Variants in PAK6 observed in about 807,000 individuals in gnomAD.
The protein encoded by PAK6 is p21 (RAC1) activated kinase 6.
In PAK6, 33 loss-of-function variants were observed where a neutral mutation model predicts 60.8. That is an observed-to-expected ratio of 0.54 (90% CI 0.41 to 0.73). PAK6 has a LOEUF of 0.73. PAK6 is among the 30% of genes least tolerant of loss of function. The pLI is 0.00. For synonymous variants in PAK6, 404 were observed against 378.5 expected (o/e 1.07, Z -0.78); for missense variants, 845 against 904.1 (o/e 0.93, Z 0.84).
chr15:40,242,374 T>C (rs906695864), intron 2 of PAK6, among the ~76,000 whole-genome samples: 1 of 152,216 alleles, frequency 6.6e-6, no homozygotes, highest in African/African-American at 2.4e-5. Context: ...TCCTGTGGAC[T>C]GAAGCAGAAA....
chr15:40,264,867 C>T (rs774916409), exon 4 of PAK6: 6 of 1,614,022 alleles, frequency 3.7e-6, no homozygotes, highest in South Asian at 2.2e-5. Context: ...CTCCTTCGAC[C>T]CCAAAGAAGG....
intron 5 of PAK6, among the ~76,000 whole-genome samples, chr15:40,269,574 C>T (rs766550835): frequency 1.3e-5 from 2 of 152,198 alleles, no homozygotes; most frequent in African/African-American, 2.4e-5. Flanking sequence ...TCTTGTGTGG[C>T]CTCACAAGTT....
In PAK6 at chr15:40,240,581, T is replaced by A; in HGVS notation, c.-200-18T>A. The stretch of plus-strand genomic sequence containing the variant: ...CTTTTCCTTTTTTTTTTTTTTTTTT[T>A]TTCTATTTTGCCTGAAGGGAGTGCC... On this transcript the variant is annotated intron_variant, in intron 1 of 10. Transcript: ENST00000560346. 2.4e-6 allele frequency: 1 copy of A among 412,144 alleles called. No individual in the cohort carries two copies. The highest frequency in any genetic ancestry group is 4.7e-6 in the Non-Finnish European group (1 of 213,736). The allele number at this position is 412,144 out of a possible 1,614,324, so 25.5% of individuals were successfully genotyped here.
At chr15:40,273,097 G>A (rs1369216283) in intron 7 of PAK6, 98 bp downstream of exon 7, 46 of 1,484,950 alleles carry the variant, frequency 3.1e-5, no homozygotes, top group Non-Finnish European at 2.0e-5. Context: ...GAAGACTTGG[G>A]ATGCCTGGGC....
intron 3 of PAK6, chr15:40,264,363 G>GAATC (rs1260703098): frequency 4.4e-6 from 2 of 451,180 alleles, no homozygotes; most frequent in Non-Finnish European, 8.9e-6. Flanking sequence ...CTGGTTTTAA[G>GAATC]AATCAAGGTC....
intron 5 of PAK6, among the ~76,000 whole-genome samples, chr15:40,267,822 A>G (rs1461301319): frequency 1.3e-5 from 2 of 152,152 alleles, no homozygotes; most frequent in African/African-American, 2.4e-5. Flanking sequence ...GCCCCTGGGG[A>G]GACTCAGCCA....
At chr15:40,266,258 G>A (rs778227816) in exon 5 of PAK6, 6 of 1,610,510 alleles carry the variant, frequency 3.7e-6, no homozygotes, top group East Asian at 2.2e-5. Context: ...CAGGAGCCTC[G>A]CCCCCCACGG....
chr15:40,272,822 G>A (rs758291408), intron 6 of PAK6, 44 bp from the exon 7 acceptor site: 90 of 1,605,504 alleles, frequency 5.6e-5, no homozygotes, highest in South Asian at 3.8e-4. Context: ...GTGGCCATGC[G>A]TCTGGGCACT....
At chr15:40,243,705 G>C (rs1037456601) in intron 2 of PAK6, among the ~76,000 whole-genome samples, 6 of 152,194 alleles carry the variant, frequency 3.9e-5, no homozygotes, top group Non-Finnish European at 7.3e-5. Flanking sequence ...AAACAATAAT[G>C]CCAGGTCTAT....
chr15:40,266,196 G>C (rs376068775), exon 5 of PAK6: 2 of 1,609,590 alleles, frequency 1.2e-6, no homozygotes, highest in East Asian at 4.5e-5. Context: ...CGAGTTTCAG[G>C]GTGCCTCGCA....
Position 40,257,386 on chromosome 15 carries a change from G to T in PAK6, c.-6+4097G>T, listed in dbSNP as rs2038866046. 2.0e-5 allele frequency among the ~76,000 whole-genome samples: 3 copies of T among 152,232 alleles called. No homozygotes were observed. In the South Asian group the frequency reaches 6.2e-4, roughly 32 times the overall value. ...TTCTTGTGAATCCCTTCGGTGGGCT[G>T]TGTCCTTTCCTTGAAAGGGACTCAG... On this transcript the variant is annotated intron_variant, in intron 3 of 10. Transcript: ENST00000560346.
chr15:40,260,879 T>C (rs1437062389), intron 3 of PAK6, among the ~76,000 whole-genome samples: 1 of 141,054 alleles, frequency 7.1e-6, no homozygotes, highest in Admixed American at 8.0e-5. Context: ...TAAAATGATA[T>C]CTTTTTAAAA....
chr15:40,246,393 A>G (rs2140944474), intron 2 of PAK6: 1 of 152,368 alleles, frequency 6.6e-6, no homozygotes, highest in East Asian at 1.9e-4. Context: ...CAAGCTAGAC[A>G]AGAAGACTTT....
Position 40,263,702 on chromosome 15 carries a change from C to CGTCCTGGGTTCAAGCGATT in PAK6, c.-5-1079_-5-1078insGTCCTGGGTTCAAGCGATT. 5 of 324,690 alleles carry CGTCCTGGGTTCAAGCGATT rather than the reference C, an allele frequency of 1.5e-5. No individual in the cohort carries two copies. The East Asian group carries it at 3.2e-4, about 21-fold the overall frequency. 20.1% of individuals were successfully genotyped at this position (324,690 alleles called of 1,614,324 possible). ...CAATCTCAGCTCACTGCAGCCTCAGCCTCCTGGGTTCAAGCGATTCTCCTC... is the reference window on the plus strand; with the variant it reads ...CAATCTCAGCTCACTGCAGCCTCAGCGTCCTGGGTTCAAGCGATTCTCCTGGGTTCAAGCGATTCTCCTC... On this transcript the variant is annotated intron_variant, in intron 3 of 10. Coordinates refer to ENST00000560346, the Ensembl canonical transcript of PAK6.
At chr15:40,244,309 C>T (rs2038438374) in intron 2 of PAK6, among the ~76,000 whole-genome samples, 1 of 131,910 alleles carries the variant, frequency 7.6e-6, no homozygotes, top group Admixed American at 7.6e-5. Context: ...CCAGCCTGGC[C>T]ACAGAGCAAG....
At position 40,240,624 on chromosome 15, in the gene PAK6, C is replaced by G. The variant is rs184060506; in HGVS notation, c.-175C>G. 103 of 430,358 alleles carry G rather than the reference C, an allele frequency of 2.4e-4. 1 individual carries two copies. Among genetic ancestry groups the G allele is most frequent in the Admixed American group, 1.3e-3 (48 of 37,872 alleles). The allele number at this position is 430,358 out of a possible 1,614,324, so 26.7% of individuals were successfully genotyped here. On this transcript the variant is annotated 5_prime_UTR_variant, in exon 2 of 11. Transcript: ENST00000560346. ...GGAGTGCCGCTTCCTGGGCTAGAGA[C>G]AAGCACCAGCCTGCAGTGGAGAACG...
At chr15:40,275,382 T>C (rs2039429550) in intron 10 of PAK6, among the ~76,000 whole-genome samples, 1 of 140,692 alleles carries the variant, frequency 7.1e-6, no homozygotes, top group Non-Finnish European at 1.5e-5. Flanking sequence ...GCCTCCTGGG[T>C]TCAAGCAATT....
At chr15:40,257,740 C>T (rs1341781253) in intron 3 of PAK6, among the ~76,000 whole-genome samples, 3 of 152,184 alleles carry the variant, frequency 2.0e-5, no homozygotes. Flanking sequence ...GTGGCCCTGG[C>T]ATCCCAGGGC....
At chr15:40,259,367 G>C (rs2038922613) in intron 3 of PAK6, 1 of 152,268 alleles carries the variant, frequency 6.6e-6, no homozygotes, top group Non-Finnish European at 1.5e-5. Context: ...GCTGGGGAGA[G>C]GCAGGGCATG....
Sources: allele counts gnomAD v4.1 joint callset (sites outside exome capture counted in the v4.1 genomes callset), GRCh38; gene constraint gnomAD v4.1.1; transcripts MANE v1.5; gene names NCBI Gene and HGNC (gene_info 2026-07-23, HGNC 2026-07-21).